Variants in TTLL7 observed in about 807,000 individuals in gnomAD.
The protein encoded by TTLL7 is tubulin tyrosine ligase like 7, also known as tubulin polyglutamylase TTLL7.
Under a neutral mutation model 120.2 loss-of-function variants are expected in TTLL7, and 53 were observed. The ratio of observed to expected loss-of-function variants is 0.44; its 90% CI spans 0.35 to 0.55. The LOEUF (loss-of-function observed/expected upper bound fraction) is 0.55, where lower values mean the gene tolerates loss of function less well. Ranked by LOEUF, TTLL7 falls within the 20% of genes least tolerant of loss-of-function variation. The probability of loss-of-function intolerance (pLI) is 0.00; values close to 1 mark genes in which losing one functional copy is unlikely to be tolerated. For missense variants in TTLL7, 803 were observed against 1,054.7 expected, an observed-to-expected ratio of 0.76 and a Z score of 3.31; for synonymous variants, 353 against 351.7, an observed-to-expected ratio of 1.00 and a Z score of -0.04.
chr1:83,960,083 T>G (rs1649884743), intron 1 of TTLL7, among the ~76,000 whole-genome samples: 1 of 152,150 alleles, frequency 6.6e-6, no homozygotes, highest in Admixed American at 6.6e-5. Context: ...AAAGAATAAA[T>G]ACGCAATTAT....
At chr1:83,981,015 C>T (rs939784950) in intron 1 of TTLL7, 39 of 151,162 alleles carry the variant, frequency 2.6e-4, no homozygotes, top group African/African-American at 8.8e-4. Flanking sequence ...CTATACGAAG[C>T]TATATGTTTC....
chr1:83,886,012 C>T (rs1188258288), intron 19 of TTLL7, among the ~76,000 whole-genome samples: 1 of 152,018 alleles, frequency 6.6e-6, no homozygotes, highest in Non-Finnish European at 1.5e-5. Context: ...CTAATCCTCA[C>T]AGCAATATAA....
chr1:83,920,852 T>C (rs1234347563), intron 12 of TTLL7, among the ~76,000 whole-genome samples: 1 of 152,066 alleles, frequency 6.6e-6, no homozygotes, highest in Non-Finnish European at 1.5e-5. Context: ...AGTCACAGGA[T>C]AACAGCAGGT....
At chr1:83,874,218 T>C (rs1653704925) in intron 20 of TTLL7, among the ~76,000 whole-genome samples, 1 of 152,120 alleles carries the variant, frequency 6.6e-6, no homozygotes, top group Admixed American at 6.5e-5. Context: ...CTCATATAAA[T>C]GGAATCACAA....
intron 18 of TTLL7, among the ~76,000 whole-genome samples, chr1:83,898,874 C>T (rs1456644570): frequency 6.6e-6 from 1 of 151,744 alleles, no homozygotes; most frequent in African/African-American, 2.4e-5. Flanking sequence ...TCTAATGCTA[C>T]TTACTAAGTA....
chr1:83,942,099 A>T (rs1648033617), intron 7 of TTLL7, among the ~76,000 whole-genome samples: 1 of 152,186 alleles, frequency 6.6e-6, no homozygotes, highest in Admixed American at 6.5e-5. Flanking sequence ...AACTGTCTCA[A>T]CACAGCTCCA....
rs770197943 is a variant in TTLL7 at position 83,907,649 on chromosome 1, C to T, written c.1799G>A (p.Arg600His). ...GATGGACCGAGGGCAGCTGACTGAACGTCTTATGGAGCCTATCAGTGATGG... is the reference window on the plus strand; with the variant it reads ...GATGGACCGAGGGCAGCTGACTGAATGTCTTATGGAGCCTATCAGTGATGG... The part of the protein sequence containing the change: ...KLIQQPSSIR[R>H]SVSCPRSISA... The change falls in exon 16 of 21, where the codon CGT becomes CAT. Residue 600 changes from arginine (R) to histidine (H), a missense_variant. By Grantham distance (29) the Arg-to-His change is conservative. Coordinates refer to ENST00000260505, the MANE Select transcript of TTLL7 (RefSeq NM_024686.6). The T allele has an allele frequency of 8.1e-6, 13 of 1,612,584 alleles. No homozygotes were observed. The East Asian group carries it at 1.3e-4, about 17-fold the overall frequency.
intron 13 of TTLL7, among the ~76,000 whole-genome samples, chr1:83,918,785 A>G (rs1418711654): frequency 6.6e-6 from 1 of 152,176 alleles, no homozygotes; most frequent in African/African-American, 2.4e-5. Flanking sequence ...ACTAAATTCC[A>G]AAGAGGAACA....
At chr1:83,876,203 C>T (rs1386488640) in intron 20 of TTLL7, among the ~76,000 whole-genome samples, 3 of 151,788 alleles carry the variant, frequency 2.0e-5, no homozygotes, top group Non-Finnish European at 4.4e-5. Flanking sequence ...ATCAGGTGTA[C>T]ACCACTTTTG....
intron 18 of TTLL7, among the ~76,000 whole-genome samples, chr1:83,901,608 C>T (rs893264387): frequency 2.0e-5 from 3 of 151,884 alleles, no homozygotes; most frequent in East Asian, 1.9e-4. Flanking sequence ...CCAAAGTCAG[C>T]GACTTGAAAA....
chr1:83,961,216 C>A (rs922273242), intron 1 of TTLL7, among the ~76,000 whole-genome samples: 2 of 152,016 alleles, frequency 1.3e-5, no homozygotes, highest in Non-Finnish European at 2.9e-5. Flanking sequence ...AAATATAGTT[C>A]TCTGGAAGGT....
At chr1:83,920,259 G>A (rs1272157235) in intron 12 of TTLL7, among the ~76,000 whole-genome samples, 1 of 152,116 alleles carries the variant, frequency 6.6e-6, no homozygotes, top group Non-Finnish European at 1.5e-5. Flanking sequence ...GGGGGGAAAT[G>A]GTTGGGGAAG....
chr1:83,991,104 G>C (rs1457706659), intron 1 of TTLL7, among the ~76,000 whole-genome samples: 1 of 152,174 alleles, frequency 6.6e-6, no homozygotes, highest in Non-Finnish European at 1.5e-5. Flanking sequence ...CAAAAGACAA[G>C]TATGTATGAT....
chr1:83,948,870 G>A (rs1374438054), intron 4 of TTLL7, 175 bp from the exon 5 acceptor site: 6 of 452,738 alleles, frequency 1.3e-5, no homozygotes. Context: ...AAAGAGTATG[G>A]TAATCAGAGA....
intron 16 of TTLL7, 66 bp downstream of exon 16, chr1:83,907,390 A>T: frequency 7.0e-7 from 1 of 1,427,766 alleles, no homozygotes; most frequent in South Asian, 1.2e-5. Context: ...TCCTCCTCTC[A>T]TCTGATCCCC....
At chr1:83,985,243 C>T (rs1652336206) in intron 1 of TTLL7, among the ~76,000 whole-genome samples, 2 of 152,286 alleles carry the variant, frequency 1.3e-5, no homozygotes, top group South Asian at 4.1e-4. Context: ...CCTGGCAATT[C>T]CCTGGTGCAA....
At chr1:83,987,383 C>T (rs961193297) in intron 1 of TTLL7, among the ~76,000 whole-genome samples, 2 of 151,920 alleles carry the variant, frequency 1.3e-5, no homozygotes, top group Non-Finnish European at 2.9e-5. Flanking sequence ...GGCAATTCTC[C>T]CTAAATCAAC....
intron 8 of TTLL7, among the ~76,000 whole-genome samples, chr1:83,935,716 G>GT (rs964963143): frequency 2.6e-5 from 4 of 152,046 alleles, no homozygotes; most frequent in African/African-American, 9.7e-5. Context: ...TTAAAAATAA[G>GT]TTATAAATTA....
intron 1 of TTLL7, among the ~76,000 whole-genome samples, chr1:83,956,490 C>T (rs2100873043): frequency 6.7e-6 from 1 of 149,990 alleles, no homozygotes; most frequent in South Asian, 2.1e-4. Flanking sequence ...TGCAATGGCA[C>T]AATCTTGGCT....
Sources: gnomAD v4.1 joint callset for allele counts (sites outside exome capture counted in the v4.1 genomes callset) on GRCh38, gnomAD v4.1.1 for gene constraint, MANE v1.5 for transcripts, NCBI Gene and HGNC (gene_info 2026-07-23, HGNC 2026-07-21) for gene names.